PCDHAC1: variants seen among roughly 807,000 people sequenced by gnomAD.
The protein encoded by PCDHAC1 is protocadherin alpha-C1.
Under a neutral mutation model 60.0 loss-of-function variants are expected in PCDHAC1, and 42 were observed. The observed-to-expected ratio is 0.70, with a 90% CI of 0.55 to 0.90. The LOEUF is 0.90. Ranked by LOEUF, PCDHAC1 falls within the 40% of genes least tolerant of loss-of-function variation. The pLI is 0.00. For missense variants in PCDHAC1, 1,160 were observed against 1,222.3 expected, an observed-to-expected ratio of 0.95 and a Z score of 0.76; for synonymous variants, 468 against 499.3, an observed-to-expected ratio of 0.94 and a Z score of 0.84.
chr5:140,982,701 T>C, intron 3 of PCDHAC1, 138 bp downstream of exon 3: 1 of 1,383,086 alleles, frequency 7.2e-7, no homozygotes, highest in South Asian at 1.6e-5. Flanking sequence ...CATACATGAT[T>C]TCCTTACATA....
At chr5:140,996,308 A>G (rs997099218) in intron 3 of PCDHAC1, among the ~76,000 whole-genome samples, 4 of 152,240 alleles carry the variant, frequency 2.6e-5, no homozygotes, top group African/African-American at 9.6e-5. Flanking sequence ...GTAACAAAGT[A>G]AGGGGGGAGG....
At chr5:140,937,878 C>G (rs2091818368) in intron 1 of PCDHAC1, among the ~76,000 whole-genome samples, 1 of 150,504 alleles carries the variant, frequency 6.6e-6, no homozygotes, top group Admixed American at 6.6e-5. Context: ...CGCCACTGCA[C>G]TCCAGCCTGG....
intron 1 of PCDHAC1, chr5:140,967,630 C>T (rs1278035224): frequency 3.7e-6 from 6 of 1,613,982 alleles, no homozygotes; most frequent in Non-Finnish European, 5.1e-6. Context: ...ATGAGGGCTC[C>T]AATGGTGAGC....
chr5:140,980,714 G>A (rs958793243), intron 2 of PCDHAC1, among the ~76,000 whole-genome samples: 7 of 151,264 alleles, frequency 4.6e-5, no homozygotes, highest in African/African-American at 9.7e-5. Context: ...GCTCCTATTC[G>A]GGTTTCAATT....
intron 1 of PCDHAC1, among the ~76,000 whole-genome samples, chr5:140,952,282 C>A (rs12187982): frequency 0.12 from 17,942 of 151,036 alleles, 1,209 homozygotes; most frequent in Middle Eastern, 0.19. Context: ...AGGGTGGTGG[C>A]CCTCTTCTCA....
At chr5:140,948,269 A>G (rs1339240276) in intron 1 of PCDHAC1, among the ~76,000 whole-genome samples, 1 of 151,602 alleles carries the variant, frequency 6.6e-6, no homozygotes, top group Non-Finnish European at 1.5e-5. Flanking sequence ...GTTCATGTAG[A>G]ATATCTGTAA....
At chr5:140,971,487 C>T (rs1285006281) in intron 1 of PCDHAC1, among the ~76,000 whole-genome samples, 1 of 152,110 alleles carries the variant, frequency 6.6e-6, no homozygotes, top group African/African-American at 2.4e-5. Flanking sequence ...CACATTGTTA[C>T]AGTGTGGCAA....
rs2098415068 is a variant in PCDHAC1, at chr5:141,009,865, AAAG to A, written c.2827_2829del (p.Lys943del). The A allele has an allele frequency of 3.1e-6, 5 of 1,614,074 alleles. No homozygotes were observed. The highest frequency in any genetic ancestry group is 4.5e-5 in the East Asian group (2 of 44,872). On this transcript the variant is annotated inframe_deletion, in exon 4 of 4. Transcript: ENST00000253807. ...AGGAGGAGACCAAGAAAAAGAAGAA[AAAG>A]AAGAAGGGTAACAAGACCCAGGAGA...
rs1367500775 is a variant in PCDHAC1, at chr5:140,929,192, A to G, written c.2300A>G (p.Asn767Ser). ...TCTCTGGGACTTGGTTCTGATAATA[A>G]CAGTTTGCTGTTGCGTGGGGAGTAC... Reference protein sequence around the residue: ...RASLGLGSDNNSLLLRGEYNA... With the variant: ...RASLGLGSDNSSLLLRGEYNA... Residue 767 changes from asparagine to serine, a missense_variant, in exon 1 of 4, where the codon AAC (asparagine) becomes AGC (serine). This residue lies in a region of PCDHAC1 where 1,113 missense variants were observed against 1,163.7 expected (regional missense o/e 0.96). Transcript: ENST00000253807. The G allele has an allele frequency of 8.1e-6, 13 of 1,614,124 alleles. 1 individual carries two copies. The highest frequency in any genetic ancestry group is 1.0e-5 in the Non-Finnish European group (12 of 1,180,018).
At chr5:140,978,319 A>G (rs1294780698) in intron 1 of PCDHAC1, among the ~76,000 whole-genome samples, 2 of 152,216 alleles carry the variant, frequency 1.3e-5, no homozygotes, top group Admixed American at 1.3e-4. Context: ...AGCAGGAACA[A>G]GTACAAGTTT....
chr5:140,964,847 C>T (rs2095858231), intron 1 of PCDHAC1, among the ~76,000 whole-genome samples: 1 of 152,124 alleles, frequency 6.6e-6, no homozygotes, highest in African/African-American at 2.4e-5. Flanking sequence ...ACTCTGTACC[C>T]TTGAGGAAAC....
At chr5:140,950,860 G>A (rs529625926) in intron 1 of PCDHAC1, among the ~76,000 whole-genome samples, 25 of 151,860 alleles carry the variant, frequency 1.6e-4, no homozygotes, top group African/African-American at 5.8e-4. Context: ...TCATATTCTT[G>A]TATATTCTAT....
intron 1 of PCDHAC1, among the ~76,000 whole-genome samples, chr5:140,949,545 T>G (rs1173643616): frequency 6.6e-6 from 1 of 151,906 alleles, no homozygotes; most frequent in Non-Finnish European, 1.5e-5. Flanking sequence ...ATCGATTTGT[T>G]GCTGGTCATA....
chr5:140,962,569 T>A (rs782016565), intron 1 of PCDHAC1, among the ~76,000 whole-genome samples: 17 of 152,194 alleles, frequency 1.1e-4, no homozygotes, highest in African/African-American at 1.7e-4. Context: ...TAAAAGCCAA[T>A]TGTTAATGCC....
rs1563109634 is a variant in PCDHAC1 at position 140,928,809 on chromosome 5, G to A, written c.1917G>A (p.Arg639=). Residue 639 remains arginine (R), a synonymous_variant, in exon 1 of 4, where the codon CGG becomes CGA. Transcript: ENST00000253807. ...AGCAGAGGGTGGTGGTAGTGGTTCG[G>A]GACCATGGAGACCCACCACTTTCCT... ...AVKQRVVVVV[R]DHGDPPLSSS... 2 of 1,614,078 alleles carry A rather than the reference G, an allele frequency of 1.2e-6. No homozygotes were observed. Among genetic ancestry groups the A allele is most frequent in the African/African-American group, 2.7e-5 (2 of 75,020 alleles).
intron 1 of PCDHAC1, chr5:140,968,218 A>C (rs1586280879): frequency 6.2e-7 from 1 of 1,614,012 alleles, no homozygotes. Flanking sequence ...ACAATTTGCC[A>C]GGTGTGTTGC....
chr5:140,933,503 AAAGACT>A (rs2089194435), intron 1 of PCDHAC1, among the ~76,000 whole-genome samples: 1 of 152,098 alleles, frequency 6.6e-6, no homozygotes, highest in Non-Finnish European at 1.5e-5. Flanking sequence ...ATTGTTAAGC[AAAGACT>A]ACAGCTGTTT....
rs551606343 is a variant in PCDHAC1 at position 140,977,430 on chromosome 5, G to A, written c.2434-1519G>A. Among the ~76,000 whole-genome samples, 14 of 152,252 alleles carry A rather than the reference G, an allele frequency of 9.2e-5. No homozygotes were observed. The South Asian group carries it at 2.5e-3, about 27-fold the overall frequency. The stretch of plus-strand genomic sequence containing the variant: ...ATTTTCTTTTGTTCCCTCTAACACC[G>A]CTAGTAGATAATGGAAACTCCTTTG... On this transcript the variant is annotated intron_variant, in intron 1 of 3. Coordinates refer to ENST00000253807, the MANE Select transcript of PCDHAC1 (RefSeq NM_018898.5).
chr5:140,974,255 C>T (rs1049283311), intron 1 of PCDHAC1, among the ~76,000 whole-genome samples: 1 of 152,186 alleles, frequency 6.6e-6, no homozygotes, highest in African/African-American at 2.4e-5. Flanking sequence ...CCATCAGTTC[C>T]TTTCTGGCCT....
Sources: gnomAD v4.1 joint callset for allele counts (sites outside exome capture counted in the v4.1 genomes callset) on GRCh38, gnomAD v4.1.1 for gene constraint, gnomAD v4.1.1 regional missense constraint, MANE v1.5 for transcripts, NCBI Gene and HGNC (gene_info 2026-07-23, HGNC 2026-07-21) for gene names.